The following KCND3 variants were observed in gnomAD, a reference collection of about 807,000 sequenced individuals.
KCND3 encodes the protein potassium voltage-gated channel subfamily D member 3, also known as A-type voltage-gated potassium channel KCND3.
In KCND3, 9 loss-of-function variants were observed where a neutral mutation model predicts 51.1. The observed-to-expected ratio is 0.18, with a 90% CI of 0.11 to 0.31. The LOEUF (loss-of-function observed/expected upper bound fraction) is 0.31. KCND3 is among the 10% of genes least tolerant of loss of function. The pLI is 1.00. For synonymous variants in KCND3, 349 were observed against 368.0 expected (o/e 0.95, Z 0.59); for missense variants, 526 against 903.8 (o/e 0.58, Z 5.36).
chr1:111,974,021 T>C (rs912389247), intron 2 of KCND3, among the ~76,000 whole-genome samples: 1 of 152,230 alleles, frequency 6.6e-6, no homozygotes, highest in South Asian at 2.1e-4. Context: ...TAAGATTACA[T>C]GAGCTAAATG....
At position 111,776,276 on chromosome 1, in the gene KCND3, C is replaced by T. The variant is rs186194682; in HGVS notation, c.1769G>A (p.Arg590His). The T allele has an allele frequency of 3.9e-5, 63 of 1,613,566 alleles. No individual in the cohort carries two copies. The highest frequency in any genetic ancestry group is 2.7e-4 in the Admixed American group (16 of 59,914). The change falls in exon 8 of 8, where the codon CGC becomes CAC. Residue 590 changes from arginine to histidine, a missense_variant and splice_region_variant. Coordinates refer to ENST00000302127, the MANE Select transcript of KCND3 (RefSeq NM_001378969.1). The stretch of plus-strand genomic sequence containing the variant: ...GTCTGCTTTCAAATTAAGGCTGGAG[C>T]GACTGGGATAGAAAAGAGTGAGTTG... ...GSEQPSLTTS[R>H]SSLNLKADDG...
At chr1:111,799,464 A>G (rs1344560174) in intron 2 of KCND3, among the ~76,000 whole-genome samples, 1 of 152,260 alleles carries the variant, frequency 6.6e-6, no homozygotes, top group Non-Finnish European at 1.5e-5. Context: ...ATTACTGAGT[A>G]TAATGCCTTA....
chr1:111,819,553 G>A (rs144917403), intron 2 of KCND3, among the ~76,000 whole-genome samples: 1 of 152,316 alleles, frequency 6.6e-6, no homozygotes, highest in East Asian at 1.9e-4. Flanking sequence ...CTCACCAGCA[G>A]CCTGACTGGG....
chr1:111,969,083 T>C (rs1176125768), intron 2 of KCND3, among the ~76,000 whole-genome samples: 4 of 152,150 alleles, frequency 2.6e-5, no homozygotes, highest in Non-Finnish European at 5.9e-5. Context: ...TCTTTTTTGT[T>C]TTCCTTCCCT....
intron 2 of KCND3, among the ~76,000 whole-genome samples, chr1:111,877,049 A>C (rs551641958): frequency 1.3e-5 from 2 of 152,350 alleles, no homozygotes; most frequent in Admixed American, 1.3e-4. Flanking sequence ...AGTATGTGCC[A>C]GGCTCTGTGC....
chr1:111,842,743 C>T (rs1667383510), intron 2 of KCND3, among the ~76,000 whole-genome samples: 1 of 152,140 alleles, frequency 6.6e-6, no homozygotes, highest in African/African-American at 2.4e-5. Flanking sequence ...GAATATGTGG[C>T]AGATAGAATG....
chr1:111,953,392 C>T (rs1190243209), intron 2 of KCND3, among the ~76,000 whole-genome samples: 1 of 152,198 alleles, frequency 6.6e-6, no homozygotes, highest in Non-Finnish European at 1.5e-5. Context: ...TATGGGCTCT[C>T]TGCATTTGGG....
At chr1:111,826,741 G>A (rs1238159468) in intron 2 of KCND3, among the ~76,000 whole-genome samples, 1 of 152,198 alleles carries the variant, frequency 6.6e-6, no homozygotes, top group Non-Finnish European at 1.5e-5. Flanking sequence ...ACTGGGAGAT[G>A]TGAAGTTTCT....
chr1:111,812,380 ATAGAGCAGTGGTAGGGC>A (rs1665893895), intron 2 of KCND3, among the ~76,000 whole-genome samples: 1 of 152,196 alleles, frequency 6.6e-6, no homozygotes. Flanking sequence ...GCTACCAAAC[ATAGAGCAGTGGTAGGGC>A]TTAAGGCTGA....
intron 2 of KCND3, among the ~76,000 whole-genome samples, chr1:111,916,755 T>C (rs767706150): frequency 4.6e-5 from 7 of 152,090 alleles, no homozygotes; most frequent in Non-Finnish European, 5.9e-5. Flanking sequence ...TAAGAGAATA[T>C]TATAAACAAC....
At position 111,772,132 on chromosome 1, in the gene KCND3, A is replaced by C. The variant is rs980441182; in HGVS notation, c.*3945T>G. Reference sequence around the variant, plus strand: ...TGGATAAGTCGTTCAGTTTCTTTCCACATGTTTTCCCCTCTCTGAATCAAG... The same window carrying C: ...TGGATAAGTCGTTCAGTTTCTTTCCCCATGTTTTCCCCTCTCTGAATCAAG... On this transcript the variant is annotated 3_prime_UTR_variant, in exon 8 of 8. Transcript: ENST00000302127. 6.6e-6 allele frequency: 1 copy of C among 152,182 alleles called. No homozygotes were observed. Among genetic ancestry groups the C allele is most frequent in the African/African-American group, 2.4e-5 (1 of 41,444 alleles). The allele number at this position is 152,182 out of a possible 1,614,324, so 9.4% of individuals were successfully genotyped here.
At chr1:111,837,778 C>T (rs551247315) in intron 2 of KCND3, among the ~76,000 whole-genome samples, 7 of 152,236 alleles carry the variant, frequency 4.6e-5, no homozygotes, top group South Asian at 2.1e-4. Context: ...TGCCCCCCCT[C>T]GAAAAACACT....
chr1:111,923,732 G>A (rs564433020), intron 2 of KCND3, among the ~76,000 whole-genome samples: 12 of 152,306 alleles, frequency 7.9e-5, no homozygotes, highest in East Asian at 1.9e-4. Context: ...CTGCTACCTC[G>A]TCTGAAGCTC....
At chr1:111,881,651 G>A (rs1223216403) in intron 2 of KCND3, among the ~76,000 whole-genome samples, 1 of 152,168 alleles carries the variant, frequency 6.6e-6, no homozygotes, top group Non-Finnish European at 1.5e-5. Flanking sequence ...GCAGCCCCTG[G>A]GGCAGGGCAA....
chr1:111,955,596 T>C (rs1269991469), intron 2 of KCND3, among the ~76,000 whole-genome samples: 1 of 152,218 alleles, frequency 6.6e-6, no homozygotes. Flanking sequence ...GGGCCCTCAC[T>C]AGGCAGTGAA....
intron 2 of KCND3, among the ~76,000 whole-genome samples, chr1:111,879,848 G>T (rs967024864): frequency 6.6e-6 from 1 of 152,202 alleles, no homozygotes; most frequent in Non-Finnish European, 1.5e-5. Flanking sequence ...GGACAGGCTG[G>T]TGCGGTAGTG....
chr1:111,798,846 C>G (rs951378762), intron 2 of KCND3, among the ~76,000 whole-genome samples: 2 of 151,378 alleles, frequency 1.3e-5, no homozygotes, highest in East Asian at 1.9e-4. Context: ...ATAAAGTCTA[C>G]TTTTTGATGC....
chr1:111,951,801 G>C (rs1673076413), intron 2 of KCND3, among the ~76,000 whole-genome samples: 1 of 152,190 alleles, frequency 6.6e-6, no homozygotes, highest in South Asian at 2.1e-4. Context: ...GAGATCATTT[G>C]AGGAGGTGAA....
At chr1:111,958,603 C>T (rs1438916523) in intron 2 of KCND3, among the ~76,000 whole-genome samples, 1 of 152,216 alleles carries the variant, frequency 6.6e-6, no homozygotes, top group African/African-American at 2.4e-5. Context: ...CTTCGTGCTC[C>T]CCATAGCTTC....
Sources: allele counts gnomAD v4.1 joint callset (sites outside exome capture counted in the v4.1 genomes callset), GRCh38; gene constraint gnomAD v4.1.1; transcripts MANE v1.5; gene names NCBI Gene and HGNC (gene_info 2026-07-23, HGNC 2026-07-21).